The following PPM1L variants were observed in gnomAD, a reference collection of about 807,000 sequenced individuals.
The protein encoded by PPM1L is protein phosphatase, Mg2+/Mn2+ dependent 1L, also known as protein phosphatase 1L.
In PPM1L, 13 loss-of-function variants were observed where a neutral mutation model predicts 31.4. That is an observed-to-expected ratio of 0.41 (90% CI 0.27 to 0.66). PPM1L has a LOEUF of 0.66. Ranked by LOEUF, PPM1L falls within the 30% of genes least tolerant of loss-of-function variation. PPM1L has a pLI of 0.29. For synonymous variants in PPM1L, 184 were observed against 175.4 expected (o/e 1.05, Z -0.39); for missense variants, 326 against 453.7 (o/e 0.72, Z 2.56).
chr3:160,894,582 G>A (rs906540602), intron 1 of PPM1L, among the ~76,000 whole-genome samples: 3 of 152,152 alleles, frequency 2.0e-5, no homozygotes, highest in African/African-American at 7.2e-5. Flanking sequence ...GGCCTGGAAA[G>A]GTAAGATGCC....
intron 2 of PPM1L, among the ~76,000 whole-genome samples, chr3:161,003,817 T>C (rs966008682): frequency 9.2e-4 from 139 of 151,754 alleles, no homozygotes; most frequent in African/African-American, 3.3e-3. Flanking sequence ...TTTTCCTAAT[T>C]GATTACCCTT....
chr3:160,901,074 G>A (rs569960582), intron 1 of PPM1L, among the ~76,000 whole-genome samples: 14 of 152,128 alleles, frequency 9.2e-5, no homozygotes, highest in Admixed American at 1.3e-4. Flanking sequence ...CCCAGGGCTC[G>A]TTCCTCAACT....
chr3:161,069,216 T>A lies in PPM1L; in HGVS notation c.*59T>A. On this transcript the variant is annotated 3_prime_UTR_variant, in exon 4 of 4. Transcript: ENST00000498165. ...GGACTTTCAACACACTGGTCTCTTT[T>A]AATTTAGTGAAAAGTGTGGGAGTTG... 7.9e-7 allele frequency: 1 copy of A among 1,266,390 alleles called. No individual in the cohort carries two copies. Among genetic ancestry groups the A allele is most frequent in the Non-Finnish European group, 1.1e-6 (1 of 917,016 alleles). The allele number at this position is 1,266,390 out of a possible 1,614,324, so 78.4% of individuals were successfully genotyped here.
chr3:160,763,475 G>A (rs1715022145), intron 1 of PPM1L, among the ~76,000 whole-genome samples: 1 of 152,158 alleles, frequency 6.6e-6, no homozygotes, highest in Admixed American at 6.5e-5. Context: ...AACCATTATG[G>A]ATAACACATT....
chr3:160,806,929 G>GGAAA (rs72064577), intron 1 of PPM1L, among the ~76,000 whole-genome samples: 2 of 148,246 alleles, frequency 1.3e-5, no homozygotes, highest in South Asian at 4.3e-4. Flanking sequence ...AGAAAGAGAG[G>GGAAA]GAAAGAAAGA....
At chr3:161,013,374 C>G (rs1717961107) in intron 2 of PPM1L, among the ~76,000 whole-genome samples, 1 of 152,214 alleles carries the variant, frequency 6.6e-6, no homozygotes, top group African/African-American at 2.4e-5. Flanking sequence ...TTTGATTGCA[C>G]TGTGATCTGA....
intron 1 of PPM1L, among the ~76,000 whole-genome samples, chr3:160,920,470 C>T (rs1714348118): frequency 6.6e-6 from 1 of 152,142 alleles, no homozygotes; most frequent in Non-Finnish European, 1.5e-5. Context: ...ACTTTTCCTG[C>T]ACATAAGAAG....
intron 1 of PPM1L, among the ~76,000 whole-genome samples, chr3:160,833,634 C>T (rs1713592663): frequency 6.6e-6 from 1 of 150,822 alleles, no homozygotes; most frequent in Non-Finnish European, 1.5e-5. Flanking sequence ...GTTTTTTTTT[C>T]TTGTAAATTT....
chr3:160,936,099 G>A (rs1347378402), intron 1 of PPM1L, among the ~76,000 whole-genome samples: 1 of 152,066 alleles, frequency 6.6e-6, no homozygotes, highest in East Asian at 1.9e-4. Context: ...TAAGGGTTAT[G>A]TGGGGGAACT....
intron 1 of PPM1L, among the ~76,000 whole-genome samples, chr3:160,945,009 A>AGTGG (rs1312335817): frequency 3.0e-5 from 1 of 33,670 alleles, no homozygotes; most frequent in African/African-American, 6.8e-5. Context: ...AACTATATAT[A>AGTGG]ACATATATAT....
intron 1 of PPM1L, among the ~76,000 whole-genome samples, chr3:160,844,800 G>A (rs1714023219): frequency 6.6e-6 from 1 of 151,948 alleles, no homozygotes; most frequent in African/African-American, 2.4e-5. Flanking sequence ...ATAGTTTTTA[G>A]TTAGGTTCAC....
At chr3:160,839,040 A>G (rs1713793932) in intron 1 of PPM1L, among the ~76,000 whole-genome samples, 1 of 152,200 alleles carries the variant, frequency 6.6e-6, no homozygotes, top group African/African-American at 2.4e-5. Context: ...CCTACACACT[A>G]CTTGCCTTCT....
intron 1 of PPM1L, among the ~76,000 whole-genome samples, chr3:160,951,512 A>G (rs1453141968): frequency 6.6e-6 from 1 of 152,190 alleles, no homozygotes; most frequent in Non-Finnish European, 1.5e-5. Context: ...TTTTATTGCA[A>G]TTACAGGGTA....
At chr3:160,920,059 G>A (rs187370047) in intron 1 of PPM1L, among the ~76,000 whole-genome samples, 8 of 152,184 alleles carry the variant, frequency 5.3e-5, no homozygotes, top group Non-Finnish European at 1.0e-4. Context: ...CATCACTATG[G>A]TCACCATGGC....
At chr3:161,050,078 C>CAG (rs1254088492) in intron 2 of PPM1L, among the ~76,000 whole-genome samples, 31 of 152,198 alleles carry the variant, frequency 2.0e-4, no homozygotes, top group Admixed American at 2.0e-3. Flanking sequence ...TCAGCAAACC[C>CAG]AGAGCTTTCC....
At chr3:161,063,416 G>T (rs1321366372) in intron 2 of PPM1L, among the ~76,000 whole-genome samples, 1 of 152,068 alleles carries the variant, frequency 6.6e-6, no homozygotes, top group African/African-American at 2.4e-5. Flanking sequence ...GGCATTTTTA[G>T]TTAAATAAGC....
At position 160,903,181 on chromosome 3, in the gene PPM1L, G is replaced by A. The variant is rs1401143238; in HGVS notation, c.400-58555G>A. ...GAAGCAATAGTGTGTGTGTGTGTGTGTGTGTGTGTGTGGTATGTGTGTATG... is the reference window on the plus strand; with the variant it reads ...GAAGCAATAGTGTGTGTGTGTGTGTATGTGTGTGTGTGGTATGTGTGTATG... On this transcript the variant is annotated intron_variant, in intron 1 of 3. Transcript: ENST00000498165. Among the ~76,000 whole-genome samples the A allele has an allele frequency of 2.1e-5, 3 of 139,860 alleles. No individual in the cohort carries two copies. The East Asian group carries it at 6.0e-4, about 28-fold the overall frequency. 91.8% of individuals were successfully genotyped at this position (139,860 alleles called of 152,430 possible).
At chr3:161,009,574 C>T (rs1259223003) in intron 2 of PPM1L, among the ~76,000 whole-genome samples, 1 of 152,148 alleles carries the variant, frequency 6.6e-6, no homozygotes, top group Non-Finnish European at 1.5e-5. Context: ...CAATAACAGC[C>T]TCTCTGCAGC....
intron 2 of PPM1L, among the ~76,000 whole-genome samples, chr3:161,034,032 G>A (rs1718660747): frequency 1.3e-5 from 2 of 152,160 alleles, no homozygotes; most frequent in South Asian, 4.1e-4. Context: ...AGTGGGTGAA[G>A]GATACGAACA....
Sources: allele counts gnomAD v4.1 joint callset (sites outside exome capture counted in the v4.1 genomes callset), GRCh38; gene constraint gnomAD v4.1.1; transcripts MANE v1.5; gene names NCBI Gene and HGNC (gene_info 2026-07-23, HGNC 2026-07-21).